Variants in AMBRA1 observed in about 807,000 individuals in gnomAD.
The protein encoded by AMBRA1 is autophagy and beclin 1 regulator 1.
AMBRA1 carries 47 observed loss-of-function variants against 125.4 expected under a neutral mutation model. The observed-to-expected ratio is 0.37, with a 90% CI of 0.30 to 0.48. The LOEUF (loss-of-function observed/expected upper bound fraction) is 0.48. Among genes scored for constraint, AMBRA1 ranks in the 20% least tolerant of loss-of-function variants. The probability of loss-of-function intolerance (pLI) is 0.99; values close to 1 mark genes in which losing one functional copy is unlikely to be tolerated. For synonymous variants in AMBRA1, 626 were observed against 655.5 expected (o/e 0.95, Z 0.69); for missense variants, 1,331 against 1,693.4 (o/e 0.79, Z 3.76).
rs1946228623 is a variant in AMBRA1, at chr11:46,410,364, A to C, written c.3121T>G (p.Leu1041Val). ...GDLVICRPEALNSGVEYYWDQ... is the reference protein window; with the variant it reads ...GDLVICRPEAVNSGVEYYWDQ... ...CAGTAGTACTCAACACCAGAGTTTA[A>C]GGCCCTAAAAATCAGTTGGGAAGGG... Residue 1041 changes from leucine (L) to valine (V), a missense_variant, in exon 16 of 18, where the codon TTA becomes GTA. Leu to Val is a conservative substitution (Grantham distance 32). This residue lies in a region of AMBRA1 where 354 missense variants were observed against 532.7 expected (regional missense o/e 0.66). Coordinates refer to ENST00000683756, the MANE Select transcript of AMBRA1 (RefSeq NM_001387011.1). 1 of 1,613,756 alleles carries C rather than the reference A, an allele frequency of 6.2e-7. No homozygotes were observed. Among genetic ancestry groups the C allele is most frequent in the Non-Finnish European group, 8.5e-7 (1 of 1,179,830 alleles).
intron 1 of AMBRA1, among the ~76,000 whole-genome samples, chr11:46,561,798 T>C: frequency 6.6e-6 from 1 of 152,280 alleles, no homozygotes; most frequent in African/African-American, 2.4e-5. Flanking sequence ...GCCAATCACA[T>C]TTCTTAGCCA....
chr11:46,518,156 G>A (rs1007619764), intron 7 of AMBRA1: 25 of 977,962 alleles, frequency 2.6e-5, no homozygotes, highest in Admixed American at 6.2e-5. Context: ...ACGGCCAGGC[G>A]CGGTGGCTCA....
chr11:46,459,333 C>T (rs1053160475), intron 11 of AMBRA1, among the ~76,000 whole-genome samples: 7 of 152,094 alleles, frequency 4.6e-5, no homozygotes, highest in Non-Finnish European at 7.4e-5. Context: ...GAAATTTGAA[C>T]ATTTTACTTT....
intron 9 of AMBRA1, among the ~76,000 whole-genome samples, chr11:46,507,347 C>T (rs1441522757): frequency 3.2e-4 from 49 of 151,628 alleles, no homozygotes; most frequent in Non-Finnish European, 3.1e-4. Flanking sequence ...GGCGCGGTGG[C>T]GGGCGCCTGT....
At chr11:46,426,098 T>C (rs575938816) in intron 14 of AMBRA1, among the ~76,000 whole-genome samples, 3 of 151,328 alleles carry the variant, frequency 2.0e-5, no homozygotes, top group Admixed American at 6.6e-5. Flanking sequence ...AAAGAAAACA[T>C]TGTGGAAATG....
chr11:46,488,473 CTG>C (rs1950341005), intron 11 of AMBRA1, among the ~76,000 whole-genome samples: 2 of 150,406 alleles, frequency 1.3e-5, no homozygotes, highest in African/African-American at 4.9e-5. Flanking sequence ...AAAAAAAAAA[CTG>C]ACAAAATTGA....
chr11:46,428,576 T>G, intron 14 of AMBRA1: 4 of 1,027,448 alleles, frequency 3.9e-6, no homozygotes, highest in Non-Finnish European at 5.7e-6. Context: ...CTTTTCCACT[T>G]CTTCTTCTTC....
Position 46,403,837 on chromosome 11 carries a change from C to T in AMBRA1, c.3403+4676G>A, listed in dbSNP as rs151147509. ...TTTGGTGCTAACTGACAGAAAAGGG[C>T]CAAGGGGAGTGGGGAGGGGCAGGGC... On this transcript the variant is annotated intron_variant, in intron 17 of 17. Coordinates refer to ENST00000683756, the MANE Select transcript of AMBRA1 (RefSeq NM_001387011.1). 2.6e-3 allele frequency among the ~76,000 whole-genome samples: 396 copies of T among 152,068 alleles called. 3 individuals carry two copies. The highest frequency in any genetic ancestry group is 8.8e-3 in the African/African-American group (365 of 41,460).
chr11:46,402,241 G>A (rs544841863), intron 17 of AMBRA1, among the ~76,000 whole-genome samples: 3 of 152,314 alleles, frequency 2.0e-5, no homozygotes, highest in Non-Finnish European at 2.9e-5. Flanking sequence ...TACACTGGGC[G>A]TGTATTTGTC....
At chr11:46,517,601 G>A (rs1951555345) in intron 7 of AMBRA1, among the ~76,000 whole-genome samples, 2 of 147,926 alleles carry the variant, frequency 1.4e-5, no homozygotes, top group African/African-American at 5.0e-5. Flanking sequence ...TTGGGAGGCT[G>A]AGGCAGGTGG....
chr11:46,546,866 T>G (rs1217289285), intron 4 of AMBRA1, among the ~76,000 whole-genome samples: 2 of 150,028 alleles, frequency 1.3e-5, no homozygotes, highest in South Asian at 2.1e-4. Flanking sequence ...AGGTCAGGAG[T>G]TCAAGATCAG....
At chr11:46,485,573 G>A (rs1950239186) in intron 11 of AMBRA1, among the ~76,000 whole-genome samples, 1 of 152,190 alleles carries the variant, frequency 6.6e-6, no homozygotes, top group African/African-American at 2.4e-5. Context: ...TAAACTCCCT[G>A]AGGGCAGAAT....
intron 11 of AMBRA1, among the ~76,000 whole-genome samples, chr11:46,459,977 G>T (rs190855150): frequency 6.6e-6 from 1 of 152,142 alleles, no homozygotes; most frequent in Admixed American, 6.5e-5. Flanking sequence ...AATACCCTGA[G>T]ATGCCTTTCA....
At chr11:46,409,444 C>T (rs994401595) in intron 16 of AMBRA1, among the ~76,000 whole-genome samples, 5 of 152,232 alleles carry the variant, frequency 3.3e-5, no homozygotes, top group Admixed American at 1.3e-4. Context: ...GTGATCCGCC[C>T]GCCTCAGCCT....
At chr11:46,411,579 C>T (rs1006554501) in intron 15 of AMBRA1, among the ~76,000 whole-genome samples, 7 of 152,198 alleles carry the variant, frequency 4.6e-5, no homozygotes, top group Non-Finnish European at 8.8e-5. Flanking sequence ...AGCAATTCTC[C>T]TGCCTCAGCC....
chr11:46,535,723 AG>A (rs1166621505), intron 7 of AMBRA1, among the ~76,000 whole-genome samples: 1 of 152,212 alleles, frequency 6.6e-6, no homozygotes, highest in African/African-American at 2.4e-5. Context: ...TGAGATGCCA[AG>A]CCAAAGACCA....
At chr11:46,506,814 T>C (rs1951050657) in intron 9 of AMBRA1, among the ~76,000 whole-genome samples, 1 of 152,022 alleles carries the variant, frequency 6.6e-6, no homozygotes, top group Non-Finnish European at 1.5e-5. Context: ...AGAAACACAA[T>C]GAATGGCTAG....
intron 1 of AMBRA1, among the ~76,000 whole-genome samples, chr11:46,576,495 T>C (rs1179235483): frequency 6.6e-5 from 10 of 152,198 alleles, no homozygotes; most frequent in Admixed American, 5.9e-4. Context: ...CAGCAAGTCA[T>C]CTCTGTCACC....
intron 11 of AMBRA1, among the ~76,000 whole-genome samples, chr11:46,448,784 C>A (rs1043626978): frequency 1.3e-5 from 2 of 151,988 alleles, no homozygotes; most frequent in Non-Finnish European, 2.9e-5. Flanking sequence ...CCCATGGACA[C>A]CAAAAGGACA....
Sources: gnomAD v4.1 joint callset for allele counts (sites outside exome capture counted in the v4.1 genomes callset) on GRCh38, gnomAD v4.1.1 for gene constraint, gnomAD v4.1.1 regional missense constraint, MANE v1.5 for transcripts, NCBI Gene and HGNC (gene_info 2026-07-23, HGNC 2026-07-21) for gene names.